COL6A5: variants seen among roughly 807,000 people sequenced by gnomAD.
The protein encoded by COL6A5 is collagen alpha-5(VI) chain.
COL6A5 carries 48 observed loss-of-function variants against 65.6 expected under a neutral mutation model. The ratio of observed to expected loss-of-function variants is 0.73; its 90% CI spans 0.58 to 0.93. The LOEUF is 0.93. Ranked by LOEUF, COL6A5 falls within the 40% of genes least tolerant of loss-of-function variation. COL6A5 has a pLI of 0.00. For missense variants in COL6A5, 914 were observed against 928.3 expected, an observed-to-expected ratio of 0.98 and a Z score of 0.20; for synonymous variants, 291 against 322.8, an observed-to-expected ratio of 0.90 and a Z score of 1.05.
chr3:130,376,900 A>C, intron 3 of COL6A5, 64 bp downstream of exon 3: 1 of 1,452,088 alleles, frequency 6.9e-7, no homozygotes, highest in Non-Finnish European at 9.1e-7. Flanking sequence ...GTCCACTCTC[A>C]CCTCTTGCAA....
intron 26 of COL6A5, 47 bp from the exon 27 acceptor site, chr3:130,421,278 C>G: frequency 6.5e-7 from 1 of 1,546,910 alleles, no homozygotes; most frequent in Admixed American, 2.0e-5. Context: ...GTTCATACTG[C>G]AGAAGTGATA....
chr3:130,385,622 CAA>C (rs1936159189), intron 5 of COL6A5, among the ~76,000 whole-genome samples: 1 of 151,984 alleles, frequency 6.6e-6, no homozygotes, highest in Admixed American at 6.6e-5. Context: ...GGGGCCTTGA[CAA>C]AGCCCACTGC....
rs1311190713 is a variant in COL6A5, at chr3:130,409,997, A to G, written c.4543-12A>G. ...TCTGGATTCTAAACTACTTTTAAAA[A>G]TCTTTCTCTAGGGTAATCCAGGACA... On this transcript the variant is annotated splice_polypyrimidine_tract_variant and intron_variant and NMD_transcript_variant, in intron 18 of 41. Transcript: ENST00000312481. The G allele has an allele frequency of 6.5e-7, 1 of 1,534,386 alleles. No homozygotes were observed. Among genetic ancestry groups the G allele is most frequent in the Non-Finnish European group, 8.8e-7 (1 of 1,133,056 alleles).
At chr3:130,450,914 C>T (rs1245771203) in intron 4 of COL6A5, among the ~76,000 whole-genome samples, 1 of 152,040 alleles carries the variant, frequency 6.6e-6, no homozygotes, top group Non-Finnish European at 1.5e-5. Flanking sequence ...AATTAGAATG[C>T]CATTACTTCG....
chr3:130,434,671 A>G (rs1294640799), intron 1 of COL6A5, among the ~76,000 whole-genome samples: 1 of 152,126 alleles, frequency 6.6e-6, no homozygotes, highest in Non-Finnish European at 1.5e-5. Flanking sequence ...TTTGATTTGC[A>G]TTTCTCTAAT....
intron 10 of COL6A5, among the ~76,000 whole-genome samples, chr3:130,399,852 A>C (rs1044156468): frequency 2.6e-5 from 4 of 151,980 alleles, no homozygotes; most frequent in Admixed American, 2.0e-4. Context: ...TCCCAGGTTC[A>C]AGCGATTCTC....
chr3:130,400,774 G>A (rs943647302), intron 10 of COL6A5, among the ~76,000 whole-genome samples: 1 of 152,200 alleles, frequency 6.6e-6, no homozygotes, highest in South Asian at 2.1e-4. Flanking sequence ...CTGTAGATTT[G>A]TAAATCGTTT....
chr3:130,395,095 C>T (rs1428582835), exon 8 of COL6A5: 1 of 1,551,534 alleles, frequency 6.4e-7, no homozygotes, highest in Admixed American at 2.0e-5. Context: ...TGACTAAAAC[C>T]CAGTGGAAGA....
chr3:130,354,509 T>C (rs903378344), intron 1 of COL6A5, among the ~76,000 whole-genome samples: 9 of 152,202 alleles, frequency 5.9e-5, no homozygotes, highest in Non-Finnish European at 1.0e-4. Flanking sequence ...TAGGGGCTTA[T>C]TAAAAATGCA....
chr3:130,397,596 C>T, exon 9 of COL6A5: 1 of 1,549,708 alleles, frequency 6.5e-7, no homozygotes, highest in Non-Finnish European at 8.7e-7. Context: ...GCTTTATGGA[C>T]ATAGTGGTTG....
At chr3:130,468,759 C>T (rs1315027238) in intron 5 of COL6A5, 36 bp from the exon 38 acceptor site, 1 of 1,471,632 alleles carries the variant, frequency 6.8e-7, no homozygotes, top group East Asian at 2.3e-5. Flanking sequence ...GCTTATCTTT[C>T]CATTAAAAAG....
At chr3:130,427,629 T>G (rs1341781720), upstream of COL6A5, among the ~76,000 whole-genome samples, 25 of 151,948 alleles carry the variant, frequency 1.6e-4, no homozygotes, top group Admixed American at 1.6e-3. Flanking sequence ...TTAGTAAAGG[T>G]GAGGGAAGGA....
chr3:130,431,449 C>T (rs1333375245), upstream of COL6A5: 1 of 1,547,626 alleles, frequency 6.5e-7, no homozygotes, highest in South Asian at 1.2e-5. Context: ...AATACTTCTG[C>T]TTTTCTTTTT....
chr3:130,358,508 A>G (rs986828078), intron 1 of COL6A5, among the ~76,000 whole-genome samples: 2 of 152,216 alleles, frequency 1.3e-5, no homozygotes, highest in Non-Finnish European at 2.9e-5. Flanking sequence ...AAGAGCACAT[A>G]AAAATAAATG....
intron 20 of COL6A5, 24 bp from the exon 21 acceptor site, chr3:130,413,521 A>G: frequency 6.5e-7 from 1 of 1,546,090 alleles, no homozygotes; most frequent in South Asian, 1.2e-5. Flanking sequence ...TCCACATACT[A>G]ACAGTTTGCC....
At chr3:130,357,422 A>G (rs191502654) in intron 1 of COL6A5, among the ~76,000 whole-genome samples, 30 of 152,376 alleles carry the variant, frequency 2.0e-4, no homozygotes, top group African/African-American at 6.7e-4. Flanking sequence ...TAAAATGTTT[A>G]GAACAAAGAG....
At chr3:130,440,533 C>T in exon 3 of COL6A5, 2 of 1,613,666 alleles carry the variant, frequency 1.2e-6, no homozygotes, top group Non-Finnish European at 1.7e-6. Context: ...TACTGTGGAC[C>T]ACTGAAAATC....
At chr3:130,395,256 G>A (rs1419776314) in exon 8 of COL6A5, 9 of 1,551,620 alleles carry the variant, frequency 5.8e-6, no homozygotes, top group Middle Eastern at 1.7e-4. Context: ...GGAGATCCTC[G>A]CTATGATGTG....
At chr3:130,362,411 A>C (rs1935174656) in intron 1 of COL6A5, among the ~76,000 whole-genome samples, 1 of 147,556 alleles carries the variant, frequency 6.8e-6, no homozygotes, top group African/African-American at 2.5e-5. Flanking sequence ...TCCATTGTAT[A>C]GCATTTGCTG....
Sources: gnomAD v4.1 joint callset for allele counts (sites outside exome capture counted in the v4.1 genomes callset) on GRCh38, gnomAD v4.1.1 for gene constraint, MANE v1.5 for transcripts, NCBI Gene and HGNC (gene_info 2026-07-23, HGNC 2026-07-21) for gene names.